The following SETD9 variants were observed in gnomAD, a reference collection of about 807,000 sequenced individuals.
The protein encoded by SETD9 is SET domain containing 9, also known as SET domain-containing protein 9.
Under a neutral mutation model 36.4 loss-of-function variants are expected in SETD9, and 37 were observed. The ratio of observed to expected loss-of-function variants is 1.02; its 90% CI spans 0.78 to 1.34. SETD9 has a LOEUF of 1.34. Ranked by LOEUF, SETD9 falls within the 40% of genes most tolerant of loss-of-function variation. The pLI is 0.00. For synonymous variants in SETD9, 128 were observed against 132.9 expected (o/e 0.96, Z 0.26); for missense variants, 323 against 353.2 (o/e 0.91, Z 0.69).
At chr5:56,913,238 G>T (rs568410602) in intron 3 of SETD9, 104 bp downstream of exon 3, 16 of 1,329,258 alleles carry the variant, frequency 1.2e-5, no homozygotes, top group South Asian at 8.9e-5. Context: ...TTTATATAAA[G>T]AGATGGGGTC....
intron 4 of SETD9, 39 bp downstream of exon 4, chr5:56,914,028 A>C: frequency 1.6e-5 from 22 of 1,414,110 alleles, no homozygotes; most frequent in Non-Finnish European, 2.0e-5. Context: ...GAGATATATC[A>C]ATGGCTAATT....
chr5:56,912,505 A>G (rs1263251292), intron 2 of SETD9, among the ~76,000 whole-genome samples: 1 of 152,200 alleles, frequency 6.6e-6, no homozygotes, highest in Non-Finnish European at 1.5e-5. Context: ...AAATAAATTA[A>G]TACTAAAAGA....
intron 1 of SETD9, 107 bp from the exon 2 acceptor site, chr5:56,911,062 T>G (rs116198212): frequency 6.2e-4 from 811 of 1,308,708 alleles, no homozygotes; most frequent in African/African-American, 2.8e-3. Flanking sequence ...TCCACACACA[T>G]GAGAATAAGC....
chr5:56,918,623 C>G (rs946485691), downstream of SETD9, among the ~76,000 whole-genome samples: 7 of 150,812 alleles, frequency 4.6e-5, no homozygotes, highest in Non-Finnish European at 1.0e-4. Context: ...CTTGTCCCTG[C>G]TCTGAAGGCA....
intron 2 of SETD9, chr5:56,912,135 A>G: frequency 1.0e-6 from 1 of 965,120 alleles, no homozygotes; most frequent in Non-Finnish European, 1.2e-6. Context: ...AGCCTGGGTG[A>G]CAGTGCTAGG....
At chr5:56,917,871 T>G (rs977581106), downstream of SETD9, among the ~76,000 whole-genome samples, 3 of 152,220 alleles carry the variant, frequency 2.0e-5, no homozygotes, top group South Asian at 4.1e-4. Context: ...GTTCCAAACT[T>G]GGATAGGAAG....
chr5:56,928,681 CT>C, downstream of SETD9: 1 of 945,906 alleles, frequency 1.1e-6, no homozygotes, highest in Non-Finnish European at 1.6e-6. Context: ...GTAAGTTGTT[CT>C]TTTTTCCTAC....
At chr5:56,917,660 C>CT (rs569487624), downstream of SETD9, among the ~76,000 whole-genome samples, 205 of 152,326 alleles carry the variant, frequency 1.3e-3, 1 homozygote, top group African/African-American at 4.7e-3. Context: ...CCTGTGGACT[C>CT]TGGCTGCCAG....
chr5:56,925,291 T>A, intron 5 of SETD9: 1 of 451,240 alleles, frequency 2.2e-6, no homozygotes, highest in South Asian at 1.6e-5. Context: ...ATAAAAAGTA[T>A]ACAGATTGGG....
In SETD9 at chr5:56,911,487, C is replaced by T. The variant is rs771206561; in HGVS notation, c.417C>T (p.Phe139=). 11 of 1,602,106 alleles carry T rather than the reference C, an allele frequency of 6.9e-6. No homozygotes were observed. The East Asian group carries it at 2.2e-4, about 33-fold the overall frequency. Residue 139 remains phenylalanine (F), a synonymous_variant, in exon 2 of 6, where the codon TTC becomes TTT. Transcript: ENST00000285947. ...SSLISAGKGV[F]VTKGLVPKGA... is the part of the protein sequence containing the mutation. ...TGATTTCTGCTGGAAAAGGTGTCTT[C>T]GTTACTAAAGGATTGGTACCAAAAG...
At chr5:56,926,998 C>A (rs1262955388), downstream of SETD9, among the ~76,000 whole-genome samples, 1 of 152,084 alleles carries the variant, frequency 6.6e-6, no homozygotes, top group Admixed American at 6.5e-5. Context: ...GAAAAGGCTG[C>A]ATACTGTATA....
At chr5:56,922,992 T>G in intron 5 of SETD9, 1 of 661,034 alleles carries the variant, frequency 1.5e-6, no homozygotes, top group East Asian at 2.7e-5. Context: ...TAAATCAAGA[T>G]ATAGTTCTAT....
At chr5:56,926,131 A>T (rs1749969223), downstream of SETD9, among the ~76,000 whole-genome samples, 1 of 152,156 alleles carries the variant, frequency 6.6e-6, no homozygotes, top group Non-Finnish European at 1.5e-5. Context: ...TGTAAATGCA[A>T]AACTATAAAG....
Position 56,913,081 on chromosome 5 carries a change from G to A in SETD9, c.537G>A (p.Leu179=). ...GAAATCCGTTTATTTTTAGATGCCT[G>A]GATGGGGTACTCATTGATGGGAATG... ...SIGNPFIFRC[L]DGVLIDGNDK... Residue 179 remains leucine (L), a synonymous_variant, in exon 3 of 6, where the codon CTG becomes CTA. Coordinates refer to ENST00000285947, the MANE Select transcript of SETD9 (RefSeq NM_153706.4). 1 of 1,614,006 alleles carries A rather than the reference G, an allele frequency of 6.2e-7. No homozygotes were observed. Among genetic ancestry groups the A allele is most frequent in the Non-Finnish European group, 8.5e-7 (1 of 1,179,956 alleles).
chr5:56,923,145 C>A, intron 5 of SETD9: 1 of 1,613,832 alleles, frequency 6.2e-7, no homozygotes, highest in Non-Finnish European at 8.5e-7. Context: ...GAGTGTAGGG[C>A]CGCGTGCTGA....
downstream of SETD9, among the ~76,000 whole-genome samples, chr5:56,919,357 C>A (rs1239719144): frequency 6.6e-6 from 1 of 152,066 alleles, no homozygotes; most frequent in Admixed American, 6.5e-5. Context: ...AACTCCTGAC[C>A]TCATGATCTG....
downstream of SETD9, among the ~76,000 whole-genome samples, chr5:56,918,451 A>G (rs1003476035): frequency 1.3e-5 from 2 of 152,050 alleles, no homozygotes; most frequent in African/African-American, 4.8e-5. Context: ...AGCAAGCTCA[A>G]AAAGCGTACC....
At position 56,911,440 on chromosome 5, in the gene SETD9, G is replaced by A. The variant is rs1327602925; in HGVS notation, c.370G>A (p.Val124Ile). ...TCTTTACAAGACTTTGGGTTTCAGT[G>A]TTGCCCAAGCAACTAGCTCATTGAT... The part of the protein sequence containing the change: ...EILYKTLGFS[V>I]AQATSSLISA... The change falls in exon 2 of 6, where the codon GTT (valine) becomes ATT (isoleucine). Residue 124 changes from valine (V) to isoleucine (I), a missense_variant. Physicochemically the swap from Val to Ile is conservative, Grantham distance 29. Coordinates refer to ENST00000285947, the MANE Select transcript of SETD9 (RefSeq NM_153706.4). 6 of 1,613,168 alleles carry A rather than the reference G, an allele frequency of 3.7e-6. No homozygotes were observed. The highest frequency in any genetic ancestry group is 5.1e-6 in the Non-Finnish European group (6 of 1,179,758).
downstream of SETD9, chr5:56,920,908 A>G (rs1749641512): frequency 6.6e-6 from 1 of 152,554 alleles, no homozygotes; most frequent in South Asian, 2.1e-4. Flanking sequence ...CTAAAATCAG[A>G]TTGACATTTA....
Sources: gnomAD v4.1 joint callset for allele counts (sites outside exome capture counted in the v4.1 genomes callset) on GRCh38, gnomAD v4.1.1 for gene constraint, MANE v1.5 for transcripts, NCBI Gene and HGNC (gene_info 2026-07-23, HGNC 2026-07-21) for gene names.